GFRA1: variants seen among roughly 807,000 people sequenced by gnomAD.
The protein encoded by GFRA1 is GDNF family receptor alpha-1.
A neutral mutation model predicts 51.6 loss-of-function variants in GFRA1; 16 were observed. The ratio of observed to expected loss-of-function variants is 0.31; its 90% confidence interval spans 0.21 to 0.47. The LOEUF is 0.47. GFRA1 is among the 20% of genes least tolerant of loss of function. The probability of loss-of-function intolerance (pLI) is 1.00; values close to 1 mark genes in which losing one functional copy is unlikely to be tolerated. For synonymous variants in GFRA1, 270 were observed against 241.3 expected (o/e 1.12, Z -1.10); for missense variants, 530 against 594.3 (o/e 0.89, Z 1.13).
Position 116,064,511 on chromosome 10 carries a change from T to G in GFRA1, c.1285A>C (p.Ser429Arg). The G allele has an allele frequency of 6.2e-7, 1 of 1,613,554 alleles. No individual in the cohort carries two copies. The highest frequency in any genetic ancestry group is 8.5e-7 in the Non-Finnish European group (1 of 1,179,638). ...NYEKEGLGAS[S>R]HITTKSMAAP... ...GCCATTGATTTTGTGGTTATGTGGC[T>G]GGAAGCACCGAGACCTTCTTTTTCA... Residue 429 changes from serine (S) to arginine (R), a missense_variant, in exon 11 of 11, where the codon AGC becomes CGC. Ser to Arg is a moderately radical substitution (Grantham distance 110, BLOSUM62 -1). Coordinates refer to ENST00000355422, the MANE Select transcript of GFRA1 (RefSeq NM_005264.8).
intron 4 of GFRA1, among the ~76,000 whole-genome samples, chr10:116,242,367 T>C (rs1967462893): frequency 1.3e-5 from 2 of 152,130 alleles, no homozygotes; most frequent in South Asian, 4.1e-4. Flanking sequence ...CAACATTCTA[T>C]AAAAAGTCAC....
chr10:116,219,746 AAG>A (rs1965796592), intron 4 of GFRA1, among the ~76,000 whole-genome samples: 1 of 152,248 alleles, frequency 6.6e-6, no homozygotes, highest in Non-Finnish European at 1.5e-5. Context: ...CAAAGGGCTG[AAG>A]AGATGGTCCA....
chr10:116,208,968 C>T (rs1217676861), intron 5 of GFRA1, among the ~76,000 whole-genome samples: 1 of 152,140 alleles, frequency 6.6e-6, no homozygotes, highest in Non-Finnish European at 1.5e-5. Context: ...TCTCTGTGGA[C>T]AACAGGGAAT....
chr10:116,261,807 T>G lies in GFRA1; in HGVS notation c.418+7696A>C, dbSNP rs915180261. Among the ~76,000 whole-genome samples the G allele has an allele frequency of 2.6e-5, 4 of 152,196 alleles. No individual in the cohort carries two copies. In the East Asian group the frequency reaches 7.7e-4, roughly 29 times the overall value. ...AAGTCATGGTAAAAACAGCAATTACTTTTGCACCAGCCTAATATGTTAAAG... is the reference window on the plus strand; with the variant it reads ...AAGTCATGGTAAAAACAGCAATTACGTTTGCACCAGCCTAATATGTTAAAG... On this transcript the variant is annotated intron_variant, in intron 4 of 10. Transcript: ENST00000355422.
intron 4 of GFRA1, among the ~76,000 whole-genome samples, chr10:116,229,241 A>C (rs1966532264): frequency 6.6e-6 from 1 of 152,110 alleles, no homozygotes; most frequent in Non-Finnish European, 1.5e-5. Flanking sequence ...ACACAACCAA[A>C]CAGTGGGGTG....
At chr10:116,159,983 T>G (rs1296359731) in intron 5 of GFRA1, among the ~76,000 whole-genome samples, 1 of 152,170 alleles carries the variant, frequency 6.6e-6, no homozygotes, top group Admixed American at 6.5e-5. Context: ...CAAAACAAAA[T>G]CACGTGAAAT....
At chr10:116,103,127 A>C in intron 6 of GFRA1, among the ~76,000 whole-genome samples, 1 of 152,154 alleles carries the variant, frequency 6.6e-6, no homozygotes, top group East Asian at 1.9e-4. Flanking sequence ...AACTTCTCCA[A>C]GTCTCAGTTT....
intron 4 of GFRA1, among the ~76,000 whole-genome samples, chr10:116,238,413 C>G (rs567708799): frequency 1.3e-5 from 2 of 152,164 alleles, no homozygotes; most frequent in African/African-American, 4.8e-5. Context: ...GCCTGCCTTC[C>G]GAAGGGCCAG....
At chr10:116,249,867 T>A (rs1260132550) in intron 4 of GFRA1, among the ~76,000 whole-genome samples, 1 of 152,076 alleles carries the variant, frequency 6.6e-6, no homozygotes. Flanking sequence ...CAAGTAAATC[T>A]ACAAAATAGC....
In GFRA1 at chr10:116,151,171, T is replaced by C. The variant is rs144134501; in HGVS notation, c.434-25614A>G. ...GTGGACTGCTTACTGTTGGAACAGA[T>C]ATCAAGGCAAGCATCTGTACAAGCT... On this transcript the variant is annotated intron_variant, in intron 5 of 10. Transcript: ENST00000355422. Among the ~76,000 whole-genome samples, 564 of 152,286 alleles carry C rather than the reference T, an allele frequency of 3.7e-3. 4 individuals are homozygous for C. The highest frequency in any genetic ancestry group is 0.013 in the African/African-American group (540 of 41,556).
Position 116,063,715 on chromosome 10 carries a change from ACTCT to A in GFRA1, c.*679_*682del, listed in dbSNP as rs953019012. ...TATTGAATCGGCACACTCATTCCCC[ACTCT>A]CTATTTTGACGAAAAGACAGATACT... is the stretch of plus-strand genomic sequence containing the variant. On this transcript the variant is annotated 3_prime_UTR_variant, in exon 11 of 11. Transcript: ENST00000355422. 8.5e-5 allele frequency: 13 copies of A among 152,286 alleles called. No individual in the cohort carries two copies. The highest frequency in any genetic ancestry group is 2.9e-4 in the African/African-American group (12 of 41,398). 9.4% of individuals were successfully genotyped at this position (152,286 alleles called of 1,614,324 possible). A position where few individuals can be genotyped will look rare whatever the true frequency, so the allele number is the denominator to read the frequency against.
At chr10:116,214,628 C>T (rs1965436169) in intron 4 of GFRA1, among the ~76,000 whole-genome samples, 1 of 152,196 alleles carries the variant, frequency 6.6e-6, no homozygotes, top group Admixed American at 6.5e-5. Context: ...ATTTATCATT[C>T]CCCTCTAATG....
At chr10:116,261,817 G>A (rs4341452) in intron 4 of GFRA1, among the ~76,000 whole-genome samples, 151,225 of 152,328 alleles carry the variant, frequency 0.99, 75,073 homozygotes, top group East Asian at 1. Flanking sequence ...TTTTGCACCA[G>A]CCTAATATGT....
chr10:116,189,247 G>A (rs537989191), intron 5 of GFRA1, among the ~76,000 whole-genome samples: 1 of 152,240 alleles, frequency 6.6e-6, no homozygotes, highest in South Asian at 2.1e-4. Context: ...GTTTTGGGGG[G>A]CAGATCTTAT....
At chr10:116,091,953 T>C (rs942136905) in intron 8 of GFRA1, among the ~76,000 whole-genome samples, 1 of 152,224 alleles carries the variant, frequency 6.6e-6, no homozygotes, top group South Asian at 2.1e-4. Flanking sequence ...GGAACAACTT[T>C]AATTTCCCTG....
chr10:116,087,918 A>C (rs1198575170), intron 9 of GFRA1, among the ~76,000 whole-genome samples: 1 of 152,146 alleles, frequency 6.6e-6, no homozygotes. Context: ...TATTTCCCAG[A>C]GCTCCTCCTG....
intron 4 of GFRA1, among the ~76,000 whole-genome samples, chr10:116,212,786 C>T (rs547265267): frequency 6.6e-6 from 1 of 152,262 alleles, no homozygotes; most frequent in South Asian, 2.1e-4. Flanking sequence ...TTTCTCCACT[C>T]GAATGTTGCT....
chr10:116,098,773 G>A (rs186308683), intron 6 of GFRA1, among the ~76,000 whole-genome samples: 1 of 152,306 alleles, frequency 6.6e-6, no homozygotes, highest in East Asian at 1.9e-4. Flanking sequence ...AGAGACTAAT[G>A]CCACCAGACT....
At chr10:116,271,176 C>T in intron 2 of GFRA1, 61 bp from the exon 3 acceptor site, 1 of 1,471,724 alleles carries the variant, frequency 6.8e-7, no homozygotes, top group Non-Finnish European at 9.2e-7. Flanking sequence ...CGCCCCTGCT[C>T]CGGGCGAGGG....
Sources: allele counts gnomAD v4.1 joint callset (sites outside exome capture counted in the v4.1 genomes callset), GRCh38; gene constraint gnomAD v4.1.1; transcripts MANE v1.5; gene names NCBI Gene and HGNC (gene_info 2026-07-23, HGNC 2026-07-21).